The following N4BP2L2 variants were observed in gnomAD, a reference collection of about 807,000 sequenced individuals.
The protein encoded by N4BP2L2 is NEDD4-binding protein 2-like 2.
Under a neutral mutation model 56.2 loss-of-function variants are expected in N4BP2L2, and 50 were observed. The ratio of observed to expected loss-of-function variants is 0.89; its 90% CI spans 0.71 to 1.13. The LOEUF is 1.13. N4BP2L2 is among the 50% of genes most tolerant of loss of function. N4BP2L2 has a pLI of 0.00. For missense variants in N4BP2L2, 689 were observed against 693.8 expected (o/e 0.99, Z 0.08); for synonymous variants, 203 against 223.6 (o/e 0.91, Z 0.82).
chr13:32,479,801 A>G (rs577580463), intron 6 of N4BP2L2, among the ~76,000 whole-genome samples: 26 of 152,228 alleles, frequency 1.7e-4, no homozygotes, highest in Non-Finnish European at 2.5e-4. Flanking sequence ...TGATAAAAAA[A>G]TGAAGATTAA....
intron 6 of N4BP2L2, among the ~76,000 whole-genome samples, chr13:32,491,164 G>A (rs1249239469): frequency 1.3e-5 from 2 of 152,084 alleles, no homozygotes; most frequent in Non-Finnish European, 2.9e-5. Flanking sequence ...GGGCAGGGTG[G>A]TAATTTTTTG....
At chr13:32,462,935 C>A (rs895449097) in intron 6 of N4BP2L2, among the ~76,000 whole-genome samples, 9 of 146,488 alleles carry the variant, frequency 6.1e-5, no homozygotes, top group African/African-American at 1.8e-4. Context: ...CCCAGCTACA[C>A]GGGAGGCTGA....
At chr13:32,484,113 A>G (rs2085359351) in intron 6 of N4BP2L2, among the ~76,000 whole-genome samples, 1 of 152,114 alleles carries the variant, frequency 6.6e-6, no homozygotes, top group Non-Finnish European at 1.5e-5. Flanking sequence ...GTTTGAGTCC[A>G]AGAGTTTGAG....
intron 6 of N4BP2L2, among the ~76,000 whole-genome samples, chr13:32,468,282 G>T: frequency 7.0e-6 from 1 of 143,102 alleles, no homozygotes. Flanking sequence ...AAAAAAAAAA[G>T]AAACTAAAAT....
chr13:32,503,764 G>C (rs1481716266), intron 6 of N4BP2L2, among the ~76,000 whole-genome samples: 2 of 152,180 alleles, frequency 1.3e-5, no homozygotes, highest in Admixed American at 1.3e-4. Context: ...ACTTAGTCAT[G>C]GCCACGTACA....
chr13:32,525,389 TA>T (rs1202882867), intron 3 of N4BP2L2: 1 of 152,244 alleles, frequency 6.6e-6, no homozygotes, highest in African/African-American at 2.4e-5. Context: ...ATCTGATGTT[TA>T]AACATTCTTG....
chr13:32,526,525 C>A (rs369011338), intron 3 of N4BP2L2, among the ~76,000 whole-genome samples: 148 of 152,142 alleles, frequency 9.7e-4, no homozygotes, highest in Middle Eastern at 6.8e-3. Flanking sequence ...GCCCATATAC[C>A]AAAATCTCAA....
intron 6 of N4BP2L2, among the ~76,000 whole-genome samples, chr13:32,469,839 C>T (rs947585778): frequency 1.6e-4 from 25 of 152,208 alleles, no homozygotes; most frequent in Non-Finnish European, 3.4e-4. Context: ...CCAGTCCTGC[C>T]TAAGTGTTCC....
downstream of N4BP2L2, among the ~76,000 whole-genome samples, chr13:32,510,067 A>G (rs923390578): frequency 2.6e-5 from 4 of 152,100 alleles, no homozygotes; most frequent in Non-Finnish European, 5.9e-5. Flanking sequence ...AAATTAATTT[A>G]AAATTCCATA....
intron 6 of N4BP2L2, among the ~76,000 whole-genome samples, chr13:32,499,462 T>C (rs2089538225): frequency 6.6e-6 from 1 of 152,170 alleles, no homozygotes. Context: ...AAAAAAAGCA[T>C]TCCTATATAC....
chr13:32,523,685 A>G (rs1406043606), intron 3 of N4BP2L2: 1 of 146,478 alleles, frequency 6.8e-6, no homozygotes, highest in Non-Finnish European at 1.5e-5. Flanking sequence ...CTCCGTCTCA[A>G]AAAAAAAAAA....
At chr13:32,474,465 G>A (rs889391626) in intron 6 of N4BP2L2, among the ~76,000 whole-genome samples, 2 of 151,304 alleles carry the variant, frequency 1.3e-5, no homozygotes, top group African/African-American at 2.4e-5. Flanking sequence ...CGAGGTGGGC[G>A]AATCACCTGA....
intron 6 of N4BP2L2, among the ~76,000 whole-genome samples, chr13:32,450,857 C>T (rs1296497921): frequency 8.1e-6 from 1 of 123,796 alleles, no homozygotes; most frequent in South Asian, 3.0e-4. Context: ...TCCCTCCCTC[C>T]CACCCCATCC....
At chr13:32,513,299 T>A (rs1566153787) in exon 6 of N4BP2L2, 1 of 152,178 alleles carries the variant, frequency 6.6e-6, no homozygotes, top group Admixed American at 6.5e-5. Context: ...TGAATCAATC[T>A]AAATACTGCT....
intron 2 of N4BP2L2, among the ~76,000 whole-genome samples, chr13:32,529,882 C>T (rs938769189): frequency 3.9e-5 from 6 of 151,932 alleles, no homozygotes; most frequent in Non-Finnish European, 7.4e-5. Context: ...CGTGCCATCA[C>T]GCCCGGCTAA....
At chr13:32,435,094 G>A (rs2075322742) in intron 9 of N4BP2L2, among the ~76,000 whole-genome samples, 2 of 152,152 alleles carry the variant, frequency 1.3e-5, no homozygotes, top group Non-Finnish European at 2.9e-5. Flanking sequence ...TCAGAGGTAG[G>A]CTAGAGGCTC....
intron 9 of N4BP2L2, among the ~76,000 whole-genome samples, chr13:32,434,256 C>CTTTTTTTTT (rs983130668): frequency 1.8e-4 from 23 of 128,274 alleles, no homozygotes; most frequent in African/African-American, 2.2e-4. Context: ...TTCTTTTTTT[C>CTTTTTTTTT]TTTTTTTTTT....
chr13:32,528,701 T>C (rs183800425), intron 2 of N4BP2L2, among the ~76,000 whole-genome samples: 2 of 152,302 alleles, frequency 1.3e-5, no homozygotes, highest in Admixed American at 6.5e-5. Context: ...TTGAGGGGAT[T>C]GGTGGGATGG....
intron 6 of N4BP2L2, among the ~76,000 whole-genome samples, chr13:32,499,893 C>G (rs1272746559): frequency 6.6e-6 from 1 of 152,174 alleles, no homozygotes; most frequent in Non-Finnish European, 1.5e-5. Flanking sequence ...CCTCACATAT[C>G]CCAACACCAT....
Sources: gnomAD v4.1 joint callset for allele counts (sites outside exome capture counted in the v4.1 genomes callset) on GRCh38, gnomAD v4.1.1 for gene constraint, MANE v1.5 for transcripts, NCBI Gene and HGNC (gene_info 2026-07-23, HGNC 2026-07-21) for gene names.